The following DENND2C variants were observed in gnomAD, a reference collection of about 807,000 sequenced individuals.
The protein encoded by DENND2C is DENN domain-containing protein 2C.
A neutral mutation model predicts 112.4 loss-of-function variants in DENND2C; 72 were observed. That is an observed-to-expected ratio of 0.64 (90% CI 0.53 to 0.78). DENND2C has a LOEUF of 0.78. DENND2C is among the 30% of genes least tolerant of loss of function. The pLI is 0.00. For synonymous variants in DENND2C, 329 were observed against 381.6 expected, an observed-to-expected ratio of 0.86 and a Z score of 1.61; for missense variants, 992 against 1,113.8, an observed-to-expected ratio of 0.89 and a Z score of 1.56.
At chr1:114,611,375 T>G (rs775215975) in intron 8 of DENND2C, among the ~76,000 whole-genome samples, 1 of 145,584 alleles carries the variant, frequency 6.9e-6, no homozygotes, top group Non-Finnish European at 1.5e-5. Context: ...TCCCTAATTC[T>G]AGAAACTAAT....
Position 114,600,820 on chromosome 1 carries a change from CTCA to C in DENND2C, c.1953_1955del (p.Asp651del), listed in dbSNP as rs1557940977. ...ATCTTTTCAAAATGAGCTAACTTAC[CTCA>C]TCTCCAGCCCCAGGGAGGTAACTCT... On this transcript the variant is annotated inframe_deletion and splice_region_variant, in exon 14 of 21. Transcript: ENST00000393274. The C allele has an allele frequency of 1.5e-5, 24 of 1,610,156 alleles. No homozygotes were observed. The highest frequency in any genetic ancestry group is 2.0e-5 in the Non-Finnish European group (24 of 1,178,520).
At chr1:114,595,971 G>A (rs773860848) in intron 16 of DENND2C, 98 bp from the exon 17 acceptor site, 57 of 1,157,406 alleles carry the variant, frequency 4.9e-5, no homozygotes, top group Non-Finnish European at 7.3e-5. Flanking sequence ...CAAAGTTTCA[G>A]CCCATTTAAA....
rs532901813 is a variant in DENND2C at position 114,652,766 on chromosome 1, T to G, written c.-317+1739A>C. ...ACACAATCATGGTGCACTACAGCCTTGAACTCCCGGGCTCAAGTGATTGTC... is the reference window on the plus strand; with the variant it reads ...ACACAATCATGGTGCACTACAGCCTGGAACTCCCGGGCTCAAGTGATTGTC... On this transcript the variant is annotated intron_variant, in intron 2 of 20. Coordinates refer to ENST00000393274, the MANE Select transcript of DENND2C (RefSeq NM_001256404.2). Among the ~76,000 whole-genome samples the G allele has an allele frequency of 2.4e-4, 36 of 149,890 alleles. No individual in the cohort carries two copies. The South Asian group carries it at 6.8e-3, about 28-fold the overall frequency.
chr1:114,639,674 G>A (rs753907278), intron 3 of DENND2C, among the ~76,000 whole-genome samples: 1 of 146,564 alleles, frequency 6.8e-6, no homozygotes, highest in African/African-American at 2.5e-5. Flanking sequence ...TATTCCAACT[G>A]TATTTTGAAA....
intron 9 of DENND2C, among the ~76,000 whole-genome samples, chr1:114,610,075 T>A (rs982176302): frequency 1.3e-5 from 2 of 152,148 alleles, no homozygotes; most frequent in Non-Finnish European, 2.9e-5. Context: ...AAAATTAGGG[T>A]GTCAGATTAG....
intron 14 of DENND2C, 81 bp downstream of exon 14, chr1:114,600,739 C>A: frequency 6.7e-7 from 1 of 1,503,522 alleles, no homozygotes. Context: ...GAAATCTATC[C>A]CCTTGGGCTC....
chr1:114,624,645 T>C lies in DENND2C; in HGVS notation c.806+534A>G, dbSNP rs1380083832. Among the ~76,000 whole-genome samples, 5 of 145,992 alleles carry C rather than the reference T, an allele frequency of 3.4e-5. No homozygotes were observed. The Admixed American group carries it at 3.5e-4, about 10-fold the overall frequency. Reference sequence around the variant, plus strand: ...TTTTCTTTTTTTTTTTTTTTGAGACTGAGTCTTGCTCTGTCAGCCAGGCTG... The same window carrying C: ...TTTTCTTTTTTTTTTTTTTTGAGACCGAGTCTTGCTCTGTCAGCCAGGCTG... On this transcript the variant is annotated intron_variant, in intron 4 of 20. Transcript: ENST00000393274.
chr1:114,645,322 A>T (rs757255635), intron 3 of DENND2C, 126 bp downstream of exon 3: 2 of 152,212 alleles, frequency 1.3e-5, no homozygotes, highest in Non-Finnish European at 2.9e-5. Flanking sequence ...CCTTAATCCA[A>T]TGACTGGTGT....
intron 4 of DENND2C, among the ~76,000 whole-genome samples, chr1:114,624,773 C>T (rs1256729824): frequency 6.6e-6 from 1 of 151,806 alleles, no homozygotes; most frequent in Non-Finnish European, 1.5e-5. Context: ...AGGTGCACAC[C>T]ACCACGCCCA....
chr1:114,590,974 T>C (rs74562563), intron 18 of DENND2C, among the ~76,000 whole-genome samples: 6 of 146,148 alleles, frequency 4.1e-5, no homozygotes, highest in African/African-American at 1.5e-4. Context: ...TCAGACTTAA[T>C]TTTTTTTTTT....
chr1:114,628,819 T>C (rs1191696115), intron 3 of DENND2C, among the ~76,000 whole-genome samples: 1 of 152,266 alleles, frequency 6.6e-6, no homozygotes, highest in Non-Finnish European at 1.5e-5. Context: ...ATGGCTCTCC[T>C]AGCCTGCAAG....
chr1:114,612,993 C>T (rs1655865526), intron 8 of DENND2C, among the ~76,000 whole-genome samples: 1 of 152,120 alleles, frequency 6.6e-6, no homozygotes, highest in African/African-American at 2.4e-5. Flanking sequence ...TTTGATTAAG[C>T]TCACTGCTAG....
At chr1:114,612,201 T>TA (rs1384437526) in intron 8 of DENND2C, among the ~76,000 whole-genome samples, 2 of 152,152 alleles carry the variant, frequency 1.3e-5, no homozygotes, top group African/African-American at 2.4e-5. Context: ...AAACAAGACA[T>TA]ACATTTTCAA....
intron 20 of DENND2C, among the ~76,000 whole-genome samples, chr1:114,585,912 A>G (rs941421631): frequency 6.6e-6 from 1 of 152,162 alleles, no homozygotes; most frequent in African/African-American, 2.4e-5. Context: ...CTCCCCAGAG[A>G]TTTCCTGGAG....
At chr1:114,615,478 T>TC (rs1655939720) in intron 8 of DENND2C, among the ~76,000 whole-genome samples, 1 of 152,206 alleles carries the variant, frequency 6.6e-6, no homozygotes, top group African/African-American at 2.4e-5. Context: ...ATTATAATAG[T>TC]CCCTACCTCC....
chr1:114,667,958 T>C (rs1268774737), intron 1 of DENND2C, among the ~76,000 whole-genome samples: 1 of 152,190 alleles, frequency 6.6e-6, no homozygotes. Context: ...TGGCACAGAC[T>C]AGGTACCAAT....
At chr1:114,640,867 C>T (rs1033329211) in intron 3 of DENND2C, among the ~76,000 whole-genome samples, 1 of 152,034 alleles carries the variant, frequency 6.6e-6, no homozygotes, top group African/African-American at 2.4e-5. Flanking sequence ...AAAACACATG[C>T]AGATATTTTA....
intron 3 of DENND2C, among the ~76,000 whole-genome samples, chr1:114,637,419 T>A (rs1019334159): frequency 6.6e-5 from 10 of 150,906 alleles, no homozygotes; most frequent in African/African-American, 2.2e-4. Flanking sequence ...TACTTAGGGA[T>A]TCAAGATGTG....
intron 3 of DENND2C, among the ~76,000 whole-genome samples, chr1:114,637,653 T>C (rs1345674032): frequency 2.0e-5 from 3 of 151,634 alleles, no homozygotes; most frequent in East Asian, 4.0e-4. Flanking sequence ...AGACTGCAGG[T>C]GTATGCCACC....
Sources: allele counts gnomAD v4.1 joint callset (sites outside exome capture counted in the v4.1 genomes callset), GRCh38; gene constraint gnomAD v4.1.1; transcripts MANE v1.5; gene names NCBI Gene and HGNC (gene_info 2026-07-23, HGNC 2026-07-21).